The following ARMH4 variants were observed in gnomAD, a reference collection of about 807,000 sequenced individuals.
The protein encoded by ARMH4 is armadillo-like helical domain-containing protein 4.
A neutral mutation model predicts 61.9 loss-of-function variants in ARMH4; 49 were observed. The observed-to-expected ratio is 0.79, with a 90% confidence interval of 0.63 to 1.00. ARMH4 has a LOEUF of 1.00. Among genes scored for constraint, ARMH4 ranks in the 50% least tolerant of loss-of-function variants. The pLI, the probability that ARMH4 is intolerant of heterozygous loss-of-function variation, is 0.00. For missense variants in ARMH4, 934 were observed against 930.0 expected (o/e 1.00, Z -0.06); for synonymous variants, 368 against 341.5 (o/e 1.08, Z -0.85).
At chr14:58,022,194 T>C (rs192121667) in intron 5 of ARMH4, among the ~76,000 whole-genome samples, 87 of 152,214 alleles carry the variant, frequency 5.7e-4, no homozygotes, top group African/African-American at 2.0e-3. Flanking sequence ...TATTCCTCCA[T>C]CTTCAAAGTC....
intron 5 of ARMH4, among the ~76,000 whole-genome samples, chr14:58,061,132 C>A (rs1884517905): frequency 6.6e-6 from 1 of 152,170 alleles, no homozygotes; most frequent in Non-Finnish European, 1.5e-5. Context: ...CCCAGCCAGG[C>A]CACACTTAAG....
intron 5 of ARMH4, among the ~76,000 whole-genome samples, chr14:58,041,113 CTGCAGGACAGTGGG>C (rs1025637381): frequency 6.6e-6 from 1 of 152,128 alleles, no homozygotes; most frequent in Non-Finnish European, 1.5e-5. Context: ...CGGAAAGTGG[CTGCAGGACAGTGGG>C]TGCAGCACAC....
chr14:58,041,251 G>A (rs1883691662), intron 5 of ARMH4, among the ~76,000 whole-genome samples: 1 of 152,162 alleles, frequency 6.6e-6, no homozygotes, highest in South Asian at 2.1e-4. Flanking sequence ...GGAAAATCGA[G>A]TCACTCCCAC....
At chr14:58,091,695 G>A (rs552654512) in intron 5 of ARMH4, among the ~76,000 whole-genome samples, 2 of 152,232 alleles carry the variant, frequency 1.3e-5, no homozygotes, top group African/African-American at 4.8e-5. Context: ...GAAGTGGTGT[G>A]GGTCACAGTG....
chr14:58,074,901 C>T (rs1394773197), intron 5 of ARMH4, among the ~76,000 whole-genome samples: 1 of 152,110 alleles, frequency 6.6e-6, no homozygotes, highest in East Asian at 1.9e-4. Flanking sequence ...TATGTGCTGG[C>T]TCCAGCACAG....
At chr14:58,064,206 T>G (rs1422749671) in intron 5 of ARMH4, among the ~76,000 whole-genome samples, 1 of 149,922 alleles carries the variant, frequency 6.7e-6, no homozygotes, top group Non-Finnish European at 1.5e-5. Context: ...TATTACCCAC[T>G]CCCTGAATAG....
chr14:58,017,516 A>C (rs1882658673), intron 5 of ARMH4, among the ~76,000 whole-genome samples: 1 of 152,104 alleles, frequency 6.6e-6, no homozygotes, highest in South Asian at 2.1e-4. Flanking sequence ...ACAGAAATCA[A>C]GAAAACAATT....
rs780704027 is a variant in ARMH4 at position 58,131,665 on chromosome 14, G to A, written c.1678C>T (p.Pro560Ser). 3.1e-6 allele frequency: 5 copies of A among 1,613,826 alleles called. No homozygotes were observed. The highest frequency in any genetic ancestry group is 1.7e-5 in the Admixed American group (1 of 60,010). ...NEEFTPVLGS[P>S]VTPPGIMVGE... ...ACCATTATTCCAGGAGGTGTCACTG[G>A]AGATCCCAGAACTGGTGTGAACTCC... The change falls in exon 4 of 8, where the codon CCA becomes TCA. Residue 560 changes from proline to serine, a missense_variant. Pro to Ser is a moderately conservative substitution (Grantham distance 74). Transcript: ENST00000267485.
At chr14:58,051,614 T>C (rs1217973800) in intron 5 of ARMH4, among the ~76,000 whole-genome samples, 1 of 152,232 alleles carries the variant, frequency 6.6e-6, no homozygotes, top group Non-Finnish European at 1.5e-5. Flanking sequence ...CTCTCTCTCC[T>C]TAACTTTTAA....
At chr14:58,105,644 G>A (rs562286291) in intron 4 of ARMH4, among the ~76,000 whole-genome samples, 9 of 149,664 alleles carry the variant, frequency 6.0e-5, no homozygotes, top group African/African-American at 7.4e-5. Context: ...CCGAGATTAC[G>A]CCACTGCACT....
Position 58,002,875 on chromosome 14 carries a change from C to T in ARMH4, c.*1861G>A, listed in dbSNP as rs1882026870. On this transcript the variant is annotated 3_prime_UTR_variant, in exon 8 of 8. Transcript: ENST00000267485. ...CTATTTGACTGTACAGAGCTTTTCA[C>T]TTCTCTTGATCAGTTTCACATATTT... 6.6e-6 allele frequency: 1 copy of T among 152,214 alleles called. No homozygotes were observed. Among genetic ancestry groups the T allele is most frequent in the Non-Finnish European group, 1.5e-5 (1 of 68,046 alleles). The allele number at this position is 152,214 out of a possible 1,614,324, so 9.4% of individuals were successfully genotyped here.
chr14:58,023,205 T>TA (rs1292510309), intron 5 of ARMH4, among the ~76,000 whole-genome samples: 1 of 152,190 alleles, frequency 6.6e-6, no homozygotes, highest in Non-Finnish European at 1.5e-5. Flanking sequence ...TTTCTCTATA[T>TA]ATGCAATGCT....
At chr14:58,112,600 A>T (rs1886390868) in intron 4 of ARMH4, among the ~76,000 whole-genome samples, 1 of 151,942 alleles carries the variant, frequency 6.6e-6, no homozygotes, top group Non-Finnish European at 1.5e-5. Flanking sequence ...ATATTTACCA[A>T]TTTATTTGTT....
At chr14:58,081,579 C>A (rs987032974) in intron 5 of ARMH4, among the ~76,000 whole-genome samples, 8 of 151,740 alleles carry the variant, frequency 5.3e-5, no homozygotes, top group Admixed American at 2.6e-4. Flanking sequence ...CGGCTCACTG[C>A]AAGCTCCGCC....
intron 5 of ARMH4, among the ~76,000 whole-genome samples, chr14:58,045,202 G>A (rs553344604): frequency 1.1e-4 from 17 of 152,256 alleles, no homozygotes; most frequent in African/African-American, 3.9e-4. Flanking sequence ...GCAAAGACCT[G>A]GAACCAACCC....
Position 58,133,206 on chromosome 14 carries a change from G to A in ARMH4, c.1505C>T (p.Ser502Phe), listed in dbSNP as rs574253004. The change falls in exon 3 of 8, where the codon TCT becomes TTT. Residue 502 changes from serine to phenylalanine, a missense_variant. Physicochemically the swap from Ser to Phe is radical, Grantham distance 155 (BLOSUM62 -2). Transcript: ENST00000267485. ...AACACCAGGAACGTCAGACACAGGA[G>A]AGGGGTCCTCCTTTTCTTCCTCAGT... Reference protein sequence around the residue: ...GKTEEEKEDPSPVSDVPGVTQ... With the variant: ...GKTEEEKEDPFPVSDVPGVTQ... The A allele has an allele frequency of 4.2e-5, 67 of 1,614,172 alleles. 1 individual carries two copies. The South Asian group carries it at 6.8e-4, about 16-fold the overall frequency.
At chr14:58,119,462 G>T (rs1466782146) in intron 4 of ARMH4, among the ~76,000 whole-genome samples, 1 of 152,106 alleles carries the variant, frequency 6.6e-6, no homozygotes, top group Non-Finnish European at 1.5e-5. Context: ...TTAATTTTCT[G>T]CAAGCATCTA....
At chr14:58,103,792 G>C (rs943366690) in intron 4 of ARMH4, among the ~76,000 whole-genome samples, 2 of 151,966 alleles carry the variant, frequency 1.3e-5, no homozygotes, top group Non-Finnish European at 2.9e-5. Flanking sequence ...ATTAATTTTA[G>C]TGTCCTTTGC....
chr14:58,054,380 G>C (rs1248370714), intron 5 of ARMH4, among the ~76,000 whole-genome samples: 3 of 152,208 alleles, frequency 2.0e-5, no homozygotes, highest in South Asian at 4.1e-4. Context: ...GAAAGGCTTT[G>C]AAGTCATACT....
Sources: allele counts gnomAD v4.1 joint callset (sites outside exome capture counted in the v4.1 genomes callset), GRCh38; gene constraint gnomAD v4.1.1; transcripts MANE v1.5; gene names NCBI Gene and HGNC (gene_info 2026-07-23, HGNC 2026-07-21).